RELN: variants seen among roughly 807,000 people sequenced by gnomAD.
RELN encodes the protein reelin.
A neutral mutation model predicts 427.6 loss-of-function variants in RELN; 108 were observed. That is an observed-to-expected ratio of 0.25 (90% CI 0.22 to 0.30). The LOEUF (loss-of-function observed/expected upper bound fraction) is 0.30, where lower values mean the gene tolerates loss of function less well. Among genes scored for constraint, RELN ranks in the 10% least tolerant of loss-of-function variants. RELN has a pLI of 1.00. For missense variants in RELN, 3,715 were observed against 4,302.8 expected, an observed-to-expected ratio of 0.86 and a Z score of 3.82; for synonymous variants, 1,524 against 1,513.4, an observed-to-expected ratio of 1.01 and a Z score of -0.16.
intron 3 of RELN, among the ~76,000 whole-genome samples, chr7:103,809,900 G>C (rs934575514): frequency 6.6e-6 from 1 of 152,180 alleles, no homozygotes; most frequent in Non-Finnish European, 1.5e-5. Context: ...CATAACAGGG[G>C]AAGTGTGACT....
chr7:103,513,112 TAAG>T (rs1445123167), intron 50 of RELN: 3 of 152,214 alleles, frequency 2.0e-5, no homozygotes, highest in African/African-American at 7.2e-5. Context: ...TGAATTCCGA[TAAG>T]AATACTCTGA....
chr7:103,805,204 G>A lies in RELN; in HGVS notation c.473+28333C>T, dbSNP rs569385571. On this transcript the variant is annotated intron_variant, in intron 3 of 64. Transcript: ENST00000428762. ...ACCAGATTCTTCATCTGTGAAATGG[G>A]AATGATAGCTGCTTGCCTATCTCAC... Among the ~76,000 whole-genome samples the A allele has an allele frequency of 9.2e-5, 14 of 152,200 alleles. No individual in the cohort carries two copies. In the South Asian group the frequency reaches 2.3e-3, roughly 25 times the overall value.
chr7:103,920,607 T>A (rs1795597112), intron 1 of RELN, among the ~76,000 whole-genome samples: 1 of 142,888 alleles, frequency 7.0e-6, no homozygotes, highest in Non-Finnish European at 1.5e-5. Context: ...AGAGTCTCGC[T>A]CTCTTACCCA....
chr7:103,502,668 A>G (rs1003631810), intron 52 of RELN, among the ~76,000 whole-genome samples: 4 of 152,230 alleles, frequency 2.6e-5, no homozygotes, highest in African/African-American at 9.6e-5. Flanking sequence ...TGGAAAGTAT[A>G]TAGTGCACAG....
chr7:103,739,320 G>A (rs1042523484), intron 6 of RELN, among the ~76,000 whole-genome samples: 17 of 152,208 alleles, frequency 1.1e-4, no homozygotes, highest in African/African-American at 3.9e-4. Context: ...AAAATACGAC[G>A]TATTTGTGGT....
chr7:103,641,841 T>C (rs755019222), intron 16 of RELN, among the ~76,000 whole-genome samples: 15 of 152,032 alleles, frequency 9.9e-5, no homozygotes, highest in Non-Finnish European at 2.2e-4. Flanking sequence ...TGGAAAAGCA[T>C]ATGGATTGTT....
At chr7:103,975,515 G>GTTTTTATTTATTTATTTATTTATT (rs35356053) in intron 1 of RELN, among the ~76,000 whole-genome samples, 2 of 141,826 alleles carry the variant, frequency 1.4e-5, no homozygotes, top group African/African-American at 2.6e-5. Context: ...GAATGGAGCA[G>GTTTTTATTTATTTATTTATTTATT]TATTTATTTA....
intron 2 of RELN, among the ~76,000 whole-genome samples, chr7:103,885,700 C>T (rs1232613743): frequency 6.6e-6 from 1 of 152,124 alleles, no homozygotes; most frequent in Non-Finnish European, 1.5e-5. Flanking sequence ...AACAAACCTG[C>T]ACGTTCTGCA....
Position 103,989,345 on chromosome 7 carries a change from A to C in RELN, c.12T>G (p.Ser4Arg). 1.3e-6 allele frequency: 2 copies of C among 1,502,288 alleles called. No homozygotes were observed. Among genetic ancestry groups the C allele is most frequent in the Non-Finnish European group, 1.8e-6 (2 of 1,123,738 alleles). The allele number at this position is 1,502,288 out of a possible 1,614,324, so 93.1% of individuals were successfully genotyped here. A position where few individuals can be genotyped will look rare whatever the true frequency, so the allele number is the denominator to read the frequency against. The part of the protein sequence containing the change: MER[S>R]GWARQTFLLA... ...GGAGGAAAGTCTGCCGGGCCCAGCC[A>C]CTGCGCTCCATGCCGCCGCCGCCGC... Residue 4 changes from serine to arginine, a missense_variant, in exon 1 of 65, where the codon AGT (serine) becomes AGG (arginine). This residue lies in a region of RELN where 2,208 missense variants were observed against 2,361.7 expected (regional missense o/e 0.93). Transcript: ENST00000428762. The surrounding 1 kb of genome is among the most constrained non-coding windows in gnomAD (Gnocchi z 4.9).
rs1468960293 is a variant in RELN, at chr7:103,522,044, C to A, written c.7646G>T (p.Gly2549Val). The A allele has an allele frequency of 6.2e-7, 1 of 1,614,098 alleles. No homozygotes were observed. Among genetic ancestry groups the A allele is most frequent in the African/African-American group, 1.3e-5 (1 of 75,024 alleles). Residue 2549 changes from glycine (G) to valine (V), a missense_variant, in exon 48 of 65, where the codon GGA (glycine) becomes GTA (valine). By Grantham distance (109) the Gly-to-Val change is moderately radical. This residue lies in a region of RELN where 1,310 missense variants were observed against 1,643.0 expected (regional missense o/e 0.80). Transcript: ENST00000428762. The part of the protein sequence containing the change: ...LSTVCGAVAS[G>V]MALHFSGGCS... ...CACCCCACTGAAATGGAGAGCCATT[C>A]CCGACGCCACGGCTCCACACACTGT...
At chr7:103,590,198 C>T (rs558941915) in intron 27 of RELN, among the ~76,000 whole-genome samples, 3 of 152,264 alleles carry the variant, frequency 2.0e-5, no homozygotes, top group South Asian at 4.1e-4. Flanking sequence ...AAGCAGCTGT[C>T]TTCTTCAGTA....
intron 5 of RELN, among the ~76,000 whole-genome samples, 166 bp from the exon 6 acceptor site, chr7:103,749,670 A>G (rs2116065787): frequency 6.6e-6 from 1 of 152,340 alleles, no homozygotes; most frequent in South Asian, 2.1e-4. Context: ...CTAAGGGACA[A>G]GGGTAAAAAG....
chr7:103,825,479 A>G (rs1584271334), intron 3 of RELN, among the ~76,000 whole-genome samples: 1 of 152,304 alleles, frequency 6.6e-6, no homozygotes, highest in Non-Finnish European at 1.5e-5. Context: ...AGCTGTTTAC[A>G]TAAAATTGTC....
chr7:103,798,529 T>A (rs1486083935), intron 3 of RELN, among the ~76,000 whole-genome samples: 1 of 152,158 alleles, frequency 6.6e-6, no homozygotes, highest in Non-Finnish European at 1.5e-5. Flanking sequence ...ATATAGCGGT[T>A]TGGCCTGTTA....
At chr7:103,950,559 A>G (rs755798671) in intron 1 of RELN, among the ~76,000 whole-genome samples, 2 of 152,242 alleles carry the variant, frequency 1.3e-5, no homozygotes, top group Non-Finnish European at 2.9e-5. Context: ...ATGCAAATAT[A>G]TAAACTTAAG....
rs1828851702 is a variant in RELN, at chr7:103,496,692, A to C, written c.9027T>G (p.Pro3009=). The change falls in exon 56 of 65, where the codon CCT becomes CCG. Residue 3009 remains proline (P), a synonymous_variant. Coordinates refer to ENST00000428762, the MANE Select transcript of RELN (RefSeq NM_005045.4). ...ISVRHDYILL[P]EDALTNTTRL... The stretch of plus-strand genomic sequence containing the variant: ...GAGTTGTGTTGGTGAGGGCATCTTC[A>C]GGAAGAAGTATGTAGTCGTGTCTAA... 9 of 1,614,174 alleles carry C rather than the reference A, an allele frequency of 5.6e-6. No homozygotes were observed. The highest frequency in any genetic ancestry group is 7.6e-6 in the Non-Finnish European group (9 of 1,180,016).
chr7:103,554,389 C>A (rs1351590433), intron 38 of RELN, among the ~76,000 whole-genome samples: 2 of 151,188 alleles, frequency 1.3e-5, no homozygotes, highest in Admixed American at 6.6e-5. Context: ...AAAACCTCGT[C>A]TCTATAAAAA....
chr7:103,546,222 T>C (rs1441720994), intron 41 of RELN, among the ~76,000 whole-genome samples: 1 of 152,222 alleles, frequency 6.6e-6, no homozygotes, highest in Non-Finnish European at 1.5e-5. Flanking sequence ...TTCTGGATAT[T>C]TCATATAAAT....
chr7:103,923,046 A>G (rs1795650654), intron 1 of RELN, among the ~76,000 whole-genome samples: 1 of 152,194 alleles, frequency 6.6e-6, no homozygotes, highest in Non-Finnish European at 1.5e-5. Flanking sequence ...GATTTTGTAT[A>G]TTCTGAAGAT....
Sources: allele counts gnomAD v4.1 joint callset (sites outside exome capture counted in the v4.1 genomes callset), GRCh38; gene constraint gnomAD v4.1.1; regional missense constraint gnomAD v4.1.1; non-coding constraint Gnocchi (gnomAD v3.1); transcripts MANE v1.5; gene names NCBI Gene and HGNC (gene_info 2026-07-23, HGNC 2026-07-21).